Variants in SAXO5 observed in about 807,000 individuals in gnomAD.
SAXO5 encodes the protein testis expressed 45.
chr19:7,504,304 C>T, the SAXO5 span: 4 of 1,614,016 alleles, frequency 2.5e-6, no homozygotes, highest in Non-Finnish European at 3.4e-6. Context: ...TCCCTGTCTG[C>T]CCACAGGCCT....
the SAXO5 span, chr19:7,506,528 C>A: frequency 2.6e-6 from 1 of 378,048 alleles, no homozygotes; most frequent in Non-Finnish European, 5.0e-6. Flanking sequence ...AACTCCTCTT[C>A]CATTGTCAGA....
the SAXO5 span, chr19:7,500,762 C>T: frequency 7.3e-7 from 1 of 1,374,516 alleles, no homozygotes; most frequent in Non-Finnish European, 9.4e-7. Flanking sequence ...AGGCAAGTGC[C>T]CCAATGGGCA....
the SAXO5 span, chr19:7,501,173 G>A: frequency 1.3e-5 from 19 of 1,516,874 alleles, no homozygotes; most frequent in Non-Finnish European, 1.6e-5. Flanking sequence ...ACCTGCACGA[G>A]GACGCGCACG....
chr19:7,506,471 T>G, the SAXO5 span: 1 of 430,208 alleles, frequency 2.3e-6, no homozygotes, highest in Non-Finnish European at 4.4e-6. Context: ...AACTCCATCC[T>G]TCTGGACACG....
the SAXO5 span, chr19:7,506,201 C>T: frequency 2.7e-6 from 4 of 1,495,428 alleles, no homozygotes; most frequent in Non-Finnish European, 1.8e-6. Context: ...CCATGGAGCC[C>T]CGCCCCGGGA....
At chr19:7,501,054 C>A in the SAXO5 span, 2 of 1,511,096 alleles carry the variant, frequency 1.3e-6, no homozygotes, top group Non-Finnish European at 1.8e-6. Context: ...CCGGGAAGAG[C>A]GCGTGTCGGA....
chr19:7,504,489 T>C, the SAXO5 span: 6 of 1,184,858 alleles, frequency 5.1e-6, no homozygotes, highest in Non-Finnish European at 7.5e-6. Flanking sequence ...AGACAGATCA[T>C]GAGGTCAGGA....
chr19:7,507,946 T>C, the SAXO5 span, among the ~76,000 whole-genome samples: 1 of 151,784 alleles, frequency 6.6e-6, no homozygotes, highest in Non-Finnish European at 1.5e-5. Flanking sequence ...ACTCCGCCCC[T>C]GGACAATCCC....
the SAXO5 span, chr19:7,505,969 AC>A: frequency 1.3e-6 from 2 of 1,576,582 alleles, no homozygotes; most frequent in South Asian, 1.1e-5. Context: ...TACAGCCGCC[AC>A]CCCCGACCCA....
chr19:7,504,080 A>ATCTCTCTC, the SAXO5 span: 301,788 of 1,193,708 alleles, frequency 0.25, 28,270 homozygotes, highest in Middle Eastern at 0.31. Flanking sequence ...GGGAATCTCA[A>ATCTCTCTC]TCTCTCTCTC....
the SAXO5 span, among the ~76,000 whole-genome samples, chr19:7,503,095 G>T: frequency 6.6e-6 from 1 of 152,202 alleles, no homozygotes; most frequent in African/African-American, 2.4e-5. Flanking sequence ...GGGTGCAATG[G>T]CTCATGCCTG....
chr19:7,505,867 A>T, the SAXO5 span: 1 of 1,240,048 alleles, frequency 8.1e-7, no homozygotes, highest in Non-Finnish European at 1.1e-6. Flanking sequence ...GGGGTGAGGG[A>T]GCTGTCCAAG....
chr19:7,506,079 C>T, the SAXO5 span: 1 of 1,613,994 alleles, frequency 6.2e-7, no homozygotes, highest in South Asian at 1.1e-5. Context: ...ACCATGGGCT[C>T]GGACTACTGC....
the SAXO5 span, chr19:7,508,370 G>T: frequency 1.2e-6 from 2 of 1,613,716 alleles, no homozygotes; most frequent in Non-Finnish European, 1.7e-6. Flanking sequence ...GCGGCTGCAG[G>T]GAGAAGATAG....
At chr19:7,505,241 C>T in the SAXO5 span, 2 of 1,367,944 alleles carry the variant, frequency 1.5e-6, no homozygotes, top group Non-Finnish European at 2.1e-6. Context: ...CCTCAGCCTC[C>T]CAAAGTGCTG....
chr19:7,506,391 C>T, the SAXO5 span: 2 of 613,396 alleles, frequency 3.3e-6, no homozygotes, highest in Non-Finnish European at 5.9e-6. Flanking sequence ...ATCCCACCCC[C>T]AATTGACCAG....
chr19:7,501,959 GCCAC>G, the SAXO5 span, among the ~76,000 whole-genome samples: 3 of 151,850 alleles, frequency 2.0e-5, no homozygotes, highest in Non-Finnish European at 2.9e-5. Context: ...GGGTGGCGAG[GCCAC>G]CCGCGGTGGC....
the SAXO5 span, chr19:7,506,850 C>A: frequency 1.8e-6 from 1 of 567,596 alleles, no homozygotes; most frequent in Non-Finnish European, 3.2e-6. Flanking sequence ...CAGCTCCTCC[C>A]TCTTTCCCAG....
chr19:7,497,879 G>T, the SAXO5 span, among the ~76,000 whole-genome samples: 19 of 152,060 alleles, frequency 1.2e-4, no homozygotes, highest in African/African-American at 4.6e-4. Flanking sequence ...AGCCAGGCGC[G>T]GTGGCTCATG....
Sources: gnomAD v4.1 joint callset for allele counts (sites outside exome capture counted in the v4.1 genomes callset) on GRCh38, gnomAD v4.1.1 for gene constraint, MANE v1.5 for transcripts, NCBI Gene and HGNC (gene_info 2026-07-23, HGNC 2026-07-21) for gene names.